The following TET3 variants were observed in gnomAD, a reference collection of about 807,000 sequenced individuals.
The protein encoded by TET3 is tet methylcytosine dioxygenase 3.
A neutral mutation model predicts 141.4 loss-of-function variants in TET3; 19 were observed. The ratio of observed to expected loss-of-function variants is 0.13; its 90% CI spans 0.09 to 0.20. The LOEUF is 0.20. Among genes scored for constraint, TET3 ranks in the 10% least tolerant of loss-of-function variants. TET3 has a pLI of 1.00. For missense variants in TET3, 1,874 were observed against 2,356.9 expected, an observed-to-expected ratio of 0.80 and a Z score of 4.24; for synonymous variants, 1,043 against 980.9, an observed-to-expected ratio of 1.06 and a Z score of -1.18.
intron 3 of TET3, among the ~76,000 whole-genome samples, chr2:74,045,465 C>G (rs1687566034): frequency 6.6e-6 from 1 of 152,158 alleles, no homozygotes; most frequent in Non-Finnish European, 1.5e-5. Context: ...AATTTCACAT[C>G]TTTGTATTCA....
In TET3 at chr2:73,988,977, GAA is replaced by G. The variant is rs913447605; in HGVS notation, c.303+2282_303+2283del. Among the ~76,000 whole-genome samples the G allele has an allele frequency of 2.1e-3, 203 of 96,894 alleles. 2 individuals are homozygous for G. Among genetic ancestry groups the G allele is most frequent in the African/African-American group, 8.9e-3 (196 of 22,124 alleles). 63.6% of individuals were successfully genotyped at this position (96,894 alleles called of 152,430 possible). Reference sequence around the variant, plus strand: ...AAAATGGTAACCAGTGCCTCTCTCTGAAAAAAAAAAAAGTTTTTTTTGTTTTT... The same window carrying G: ...AAAATGGTAACCAGTGCCTCTCTCTGAAAAAAAAAAGTTTTTTTTGTTTTT... On this transcript the variant is annotated intron_variant, in intron 2 of 11. Coordinates refer to ENST00000409262, the MANE Select transcript of TET3 (RefSeq NM_001287491.2).
Position 74,100,887 on chromosome 2 carries a change from TA to T in TET3, c.4100del (p.Tyr1367PhefsTer35). On this transcript the variant is annotated frameshift_variant, in exon 12 of 12. Coordinates refer to ENST00000409262, the MANE Select transcript of TET3 (RefSeq NM_001287491.2). LOFTEE classifies it high-confidence loss of function. ...QQPAYPGPKE[Y>X]LLPKAPLLHS... is the part of the protein sequence containing the mutation. Reference sequence around the variant, plus strand: ...GCCTGCGTACCCAGGCCCCAAGGAGTATCTGCTTCCCAAGGCCCCCCTACTC... The same window carrying T: ...GCCTGCGTACCCAGGCCCCAAGGAGTTCTGCTTCCCAAGGCCCCCCTACTC... The T allele has an allele frequency of 6.2e-7, 1 of 1,609,618 alleles. No homozygotes were observed. Among genetic ancestry groups the T allele is most frequent in the Non-Finnish European group, 8.5e-7 (1 of 1,178,238 alleles).
chr2:74,130,134 T>G, the TET3 span, among the ~76,000 whole-genome samples: 1 of 151,680 alleles, frequency 6.6e-6, no homozygotes, highest in Non-Finnish European at 1.5e-5. Context: ...TATAGACACT[T>G]GGGTTCACAG....
intron 2 of TET3, among the ~76,000 whole-genome samples, chr2:73,990,942 T>C (rs141361270): frequency 2.0e-5 from 3 of 152,140 alleles, no homozygotes; most frequent in African/African-American, 7.2e-5. Flanking sequence ...TCTGAGCATT[T>C]GTCAAGCCTG....
Position 73,986,627 on chromosome 2 carries a change from G to A in TET3, c.224G>A (p.Cys75Tyr). The A allele has an allele frequency of 1.6e-6, 2 of 1,232,188 alleles. No homozygotes were observed. The highest frequency in any genetic ancestry group is 2.0e-6 in the Non-Finnish European group (2 of 987,990). 76.3% of individuals were successfully genotyped at this position (1,232,188 alleles called of 1,614,324 possible). A position where few individuals can be genotyped will look rare whatever the true frequency, so the allele number is the denominator to read the frequency against. Residue 75 changes from cysteine (C) to tyrosine (Y), a missense_variant, in exon 2 of 12, where the codon TGT becomes TAT. Cys to Tyr is a radical substitution (Grantham distance 194, BLOSUM62 -2). Coordinates refer to ENST00000409262, the MANE Select transcript of TET3 (RefSeq NM_001287491.2). Reference sequence around the variant, plus strand: ...GAAAACTGTGGCGCTTGCACTAGCTGTACCAACCGCCGCACGCACCAGATC... The same window carrying A: ...GAAAACTGTGGCGCTTGCACTAGCTATACCAACCGCCGCACGCACCAGATC... ...RLENCGACTS[C>Y]TNRRTHQICK...
In TET3 at chr2:74,080,695, A is replaced by AGGG. The variant is rs1163937850; in HGVS notation, c.2679+105_2679+107dup. 2.3e-3 allele frequency: 399 copies of AGGG among 171,834 alleles called. 6 individuals are homozygous for AGGG. Among genetic ancestry groups the AGGG allele is most frequent in the African/African-American group, 0.023 (387 of 16,992 alleles). The allele number at this position is 171,834 out of a possible 1,614,324, so 10.6% of individuals were successfully genotyped here. On this transcript the variant is annotated intron_variant, in intron 6 of 11. Coordinates refer to ENST00000409262, the MANE Select transcript of TET3 (RefSeq NM_001287491.2). ...CTTGCTGCATGTAGCTGAGCAGGCG[A>AGGG]GGGCGGGGGGTGGGGCCAGGTGGGT...
chr2:73,984,787 A>T (rs916080779), upstream of TET3, among the ~76,000 whole-genome samples: 5 of 140,920 alleles, frequency 3.5e-5, no homozygotes. The surrounding 1 kb of genome is among the most constrained non-coding windows in gnomAD (Gnocchi z 5.6). Flanking sequence ...CGCGGGAACC[A>T]CCCCCCTCTC....
intron 4 of TET3, among the ~76,000 whole-genome samples, chr2:74,065,586 TCGTCCGTCCTTCCTTCCGTCCGTCCGTC>T (rs1688839098): frequency 6.9e-6 from 1 of 144,002 alleles, no homozygotes; most frequent in Non-Finnish European, 1.5e-5. Context: ...GTCACCTGGT[TCGTCCGTCCTTCCTTCCGTCCGTCCGTC>T]CGTCCGTCCT....
chr2:74,013,652 A>C (rs759530420), intron 3 of TET3, among the ~76,000 whole-genome samples: 65 of 152,104 alleles, frequency 4.3e-4, no homozygotes, highest in Non-Finnish European at 1.9e-4. Context: ...TACTGAAAAT[A>C]CAAAAAAAAA....
intron 2 of TET3, among the ~76,000 whole-genome samples, chr2:73,999,888 G>C (rs1558698117): frequency 6.6e-6 from 1 of 152,156 alleles, no homozygotes; most frequent in Non-Finnish European, 1.5e-5. Flanking sequence ...AAGAGGGAAT[G>C]AGGCCAGGGT....
At chr2:74,022,332 C>T (rs183941554) in intron 3 of TET3, among the ~76,000 whole-genome samples, 14 of 151,740 alleles carry the variant, frequency 9.2e-5, no homozygotes, top group African/African-American at 3.4e-4. Context: ...AATGGTAAGA[C>T]AGCTTCATGT....
At chr2:74,024,530 C>T (rs998362559) in intron 3 of TET3, among the ~76,000 whole-genome samples, 1 of 151,964 alleles carries the variant, frequency 6.6e-6, no homozygotes, top group Non-Finnish European at 1.5e-5. Context: ...CATCCGGTAC[C>T]CAGGGTGGTG....
chr2:74,049,319 C>CTAGT (rs1687817216), intron 4 of TET3, among the ~76,000 whole-genome samples: 1 of 152,180 alleles, frequency 6.6e-6, no homozygotes, highest in East Asian at 1.9e-4. Context: ...ACGTTTGGAC[C>CTAGT]TAGTTAGCAT....
chr2:74,096,768 C>CA lies in TET3; in HGVS notation c.3268-2496dup, dbSNP rs11363244. Reference sequence around the variant, plus strand: ...GTGCAATAAGAGCAAAACTCTGTCTCAAAAAAAAAAAAGAAAGAAAGAAAG... The same window carrying CA: ...GTGCAATAAGAGCAAAACTCTGTCTCAAAAAAAAAAAAAGAAAGAAAGAAAG... On this transcript the variant is annotated intron_variant, in intron 10 of 11. Coordinates refer to ENST00000409262, the MANE Select transcript of TET3 (RefSeq NM_001287491.2). Among the ~76,000 whole-genome samples the CA allele has an allele frequency of 3.4e-3, 473 of 141,104 alleles. 5 individuals carry two copies. Among genetic ancestry groups the CA allele is most frequent in the African/African-American group, 9.6e-3 (356 of 36,978 alleles). The allele number at this position is 141,104 out of a possible 152,430, so 92.6% of individuals were successfully genotyped here.
chr2:74,076,069 C>G (rs1326295710), intron 5 of TET3, among the ~76,000 whole-genome samples: 1 of 152,040 alleles, frequency 6.6e-6, no homozygotes, highest in East Asian at 1.9e-4. Context: ...TTCCAGACAG[C>G]TCTCTTAAAC....
chr2:74,123,607 C>A, the TET3 span, among the ~76,000 whole-genome samples: 1,081 of 152,328 alleles, frequency 7.1e-3, 20 homozygotes, highest in African/African-American at 0.025. Context: ...CGGCTCGCTA[C>A]AACCTCCACC....
chr2:73,985,373 G>C (rs1392367119), intron 1 of TET3, among the ~76,000 whole-genome samples: 1 of 144,498 alleles, frequency 6.9e-6, no homozygotes, highest in African/African-American at 2.5e-5. Flanking sequence ...CCGCCGGAGC[G>C]GAGTGGCGGA....
At chr2:74,032,510 AG>A (rs1160023941) in intron 3 of TET3, among the ~76,000 whole-genome samples, 4 of 49,250 alleles carry the variant, frequency 8.1e-5, no homozygotes, top group African/African-American at 1.6e-4. Context: ...TGTGTGTGTT[AG>A]GGGAGTTGAG....
chr2:74,079,704 G>T (rs749366141), intron 5 of TET3, among the ~76,000 whole-genome samples: 136 of 152,088 alleles, frequency 8.9e-4, no homozygotes, highest in Middle Eastern at 3.2e-3. Flanking sequence ...TAGTAATTTG[G>T]CCACAGTTAT....
Sources: gnomAD v4.1 joint callset for allele counts (sites outside exome capture counted in the v4.1 genomes callset) on GRCh38, gnomAD v4.1.1 for gene constraint, Gnocchi (gnomAD v3.1) non-coding constraint, MANE v1.5 for transcripts, NCBI Gene and HGNC (gene_info 2026-07-23, HGNC 2026-07-21) for gene names.